The following NRXN3 variants were observed in gnomAD, a reference collection of about 807,000 sequenced individuals.
NRXN3 encodes neurexin 3.
Under a neutral mutation model 137.6 loss-of-function variants are expected in NRXN3, and 32 were observed. That is an observed-to-expected ratio of 0.23 (90% CI 0.18 to 0.31). NRXN3 has a LOEUF of 0.31. Ranked by LOEUF, NRXN3 falls within the 10% of genes least tolerant of loss-of-function variation. The pLI is 1.00. For synonymous variants in NRXN3, 798 were observed against 784.5 expected (o/e 1.02, Z -0.29); for missense variants, 1,574 against 2,062.5 (o/e 0.76, Z 4.59).
At chr14:78,299,660 A>C (rs1430286049) in intron 4 of NRXN3, among the ~76,000 whole-genome samples, 1 of 152,182 alleles carries the variant, frequency 6.6e-6, no homozygotes. Flanking sequence ...AACTTATTGC[A>C]GACACACTGA....
chr14:78,276,514 C>A (rs1379797419), intron 2 of NRXN3, among the ~76,000 whole-genome samples: 1 of 152,158 alleles, frequency 6.6e-6, no homozygotes, highest in Admixed American at 6.5e-5. Flanking sequence ...GTACTTAGTT[C>A]AGTGCTTTAC....
chr14:79,579,366 AT>A (rs2097694248), intron 16 of NRXN3, among the ~76,000 whole-genome samples: 2 of 142,000 alleles, frequency 1.4e-5, no homozygotes, highest in South Asian at 2.1e-4. Flanking sequence ...ATATATATAT[AT>A]AATATATATA....
intron 4 of NRXN3, among the ~76,000 whole-genome samples, chr14:78,586,584 C>T (rs1207202431): frequency 6.6e-6 from 1 of 152,174 alleles, no homozygotes; most frequent in East Asian, 1.9e-4. Context: ...TCAGCCAAGG[C>T]TCTGTACTGG....
At chr14:78,680,771 G>A (rs1215117644) in intron 6 of NRXN3, among the ~76,000 whole-genome samples, 3 of 152,152 alleles carry the variant, frequency 2.0e-5, no homozygotes, top group African/African-American at 7.2e-5. Flanking sequence ...GGGCTTAAGA[G>A]TCTACCCTGA....
In NRXN3 at chr14:78,468,392, A is replaced by G. The variant is rs73316474; in HGVS notation, c.757+170532A>G. On this transcript the variant is annotated intron_variant, in intron 4 of 20. Coordinates refer to ENST00000335750, the MANE Select transcript of NRXN3 (RefSeq NM_001330195.2). ...TGCTGATGTGGCTGAGCTTCCTCAC[A>G]TCTTTGAAGCCTTGTCTGAGATGGT... Among the ~76,000 whole-genome samples, 3 of 152,110 alleles carry G rather than the reference A, an allele frequency of 2.0e-5. No homozygotes were observed. In the South Asian group the frequency reaches 6.2e-4, roughly 32 times the overall value.
chr14:79,610,854 C>T (rs1256427143), intron 16 of NRXN3, among the ~76,000 whole-genome samples: 1 of 152,172 alleles, frequency 6.6e-6, no homozygotes, highest in African/African-American at 2.4e-5. Context: ...AAGACAAGTA[C>T]AGTGCCCATG....
chr14:79,214,612 C>A (rs1014171260), intron 15 of NRXN3, among the ~76,000 whole-genome samples: 2 of 152,152 alleles, frequency 1.3e-5, no homozygotes, highest in Non-Finnish European at 2.9e-5. Context: ...TCAATTAAAA[C>A]AAATTAGAAA....
chr14:78,445,049 A>G (rs936618197), intron 4 of NRXN3, among the ~76,000 whole-genome samples: 41 of 152,222 alleles, frequency 2.7e-4, no homozygotes, highest in African/African-American at 9.1e-4. Context: ...AAGAAATTAT[A>G]TCTGTTCTTA....
intron 6 of NRXN3, among the ~76,000 whole-genome samples, chr14:78,683,915 G>A (rs2098101572): frequency 6.6e-6 from 1 of 152,170 alleles, no homozygotes; most frequent in African/African-American, 2.4e-5. Context: ...ATTCCCTGGT[G>A]GAATTTGGAA....
At chr14:79,041,154 A>G (rs1387947961) in intron 15 of NRXN3, among the ~76,000 whole-genome samples, 1 of 152,214 alleles carries the variant, frequency 6.6e-6, no homozygotes, top group Non-Finnish European at 1.5e-5. Context: ...TGTGCTTAAA[A>G]AACATTTTTT....
chr14:79,105,081 A>G (rs909722333), intron 15 of NRXN3, among the ~76,000 whole-genome samples: 5 of 152,158 alleles, frequency 3.3e-5, no homozygotes, highest in Admixed American at 2.0e-4. Context: ...TGTGACCAAA[A>G]GCATAGGAAC....
At chr14:79,126,907 G>T (rs1359445068) in intron 15 of NRXN3, among the ~76,000 whole-genome samples, 1 of 152,152 alleles carries the variant, frequency 6.6e-6, no homozygotes, top group Admixed American at 6.5e-5. Context: ...GTTTTGATTT[G>T]CATTTCTCTG....
At chr14:79,058,909 G>A (rs1188224992) in intron 15 of NRXN3, among the ~76,000 whole-genome samples, 2 of 152,086 alleles carry the variant, frequency 1.3e-5, no homozygotes, top group Non-Finnish European at 2.9e-5. Context: ...TTCACCTTAC[G>A]CCGTGATTGT....
At chr14:78,209,253 G>T (rs80326823) in intron 1 of NRXN3, among the ~76,000 whole-genome samples, 2 of 152,154 alleles carry the variant, frequency 1.3e-5, no homozygotes. Flanking sequence ...GGAAGAAGAG[G>T]CAGGTGAAAC....
intron 10 of NRXN3, among the ~76,000 whole-genome samples, chr14:78,831,946 G>C (rs2098983546): frequency 6.6e-6 from 1 of 151,860 alleles, no homozygotes; most frequent in Non-Finnish European, 1.5e-5. Flanking sequence ...TTAGTGTCTT[G>C]GTGTACAAGA....
intron 4 of NRXN3, among the ~76,000 whole-genome samples, chr14:78,434,077 G>A (rs1006309304): frequency 2.0e-5 from 3 of 152,134 alleles, no homozygotes; most frequent in Non-Finnish European, 2.9e-5. Context: ...AAATCATAAG[G>A]CAAATCCTGT....
chr14:78,726,806 A>G (rs1317958650), intron 8 of NRXN3, among the ~76,000 whole-genome samples: 3 of 152,052 alleles, frequency 2.0e-5, no homozygotes, highest in Non-Finnish European at 4.4e-5. Flanking sequence ...GGCGTGAGTC[A>G]TCACACCTGG....
At chr14:78,942,673 C>T (rs184520817) in intron 10 of NRXN3, among the ~76,000 whole-genome samples, 35 of 152,120 alleles carry the variant, frequency 2.3e-4, no homozygotes, top group Non-Finnish European at 4.1e-4. Context: ...CACAAAATTA[C>T]AGCTAGATAG....
chr14:78,939,253 G>C (rs891547197), intron 10 of NRXN3, among the ~76,000 whole-genome samples: 1 of 152,110 alleles, frequency 6.6e-6, no homozygotes, highest in Non-Finnish European at 1.5e-5. Context: ...AGAGGTCATG[G>C]AACAAAAAGC....
Sources: allele counts gnomAD v4.1 joint callset (sites outside exome capture counted in the v4.1 genomes callset), GRCh38; gene constraint gnomAD v4.1.1; transcripts MANE v1.5; gene names NCBI Gene and HGNC (gene_info 2026-07-23, HGNC 2026-07-21).